Variants in LITAFD observed in about 807,000 individuals in gnomAD.
The protein encoded by LITAFD is lITAF domain-containing protein.
At chr16:8,885,135 G>T in intron 3 of LITAFD, 52 bp from the exon 4 acceptor site, 1 of 399,330 alleles carries the variant, frequency 2.5e-6, no homozygotes, top group Non-Finnish European at 4.4e-6. Flanking sequence ...TGCGTCCAGC[G>T]TACAGTGAGA....
At chr16:8,883,056 G>A (rs1277954175) in intron 1 of LITAFD, among the ~76,000 whole-genome samples, 154 bp from the exon 2 acceptor site, 4 of 152,076 alleles carry the variant, frequency 2.6e-5, no homozygotes, top group Non-Finnish European at 4.4e-5. Context: ...GACTGGTCTC[G>A]AACTCCTGAT....
intron 3 of LITAFD, chr16:8,884,955 T>G: frequency 2.5e-6 from 1 of 397,370 alleles, no homozygotes; most frequent in Non-Finnish European, 4.4e-6. Flanking sequence ...CCGGGTGTGG[T>G]GGCACGTGCC....
At position 8,883,939 on chromosome 16, in the gene LITAFD, T is replaced by C. The variant is rs187220460; in HGVS notation, c.-33-384T>C. ...AATAAGCCGGGTGTGATGGCACATG[T>C]CTATAGTCCCAGCTACTCAGGAGGC... On this transcript the variant is annotated intron_variant, in intron 2 of 3. Transcript: ENST00000636296. 6.0e-4 allele frequency among the ~76,000 whole-genome samples: 91 copies of C among 152,126 alleles called. 1 individual carries two copies. The highest frequency in any genetic ancestry group is 4.6e-3 in the South Asian group (22 of 4,802).
exon 4 of LITAFD, chr16:8,885,210 T>C (rs1484862600): frequency 5.0e-6 from 2 of 399,108 alleles, no homozygotes; most frequent in Non-Finnish European, 8.8e-6. Flanking sequence ...TGCTGCTTCC[T>C]GGCATTCTGC....
intron 2 of LITAFD, among the ~76,000 whole-genome samples, 165 bp downstream of exon 2, chr16:8,883,451 G>C (rs1567197108): frequency 6.6e-6 from 1 of 152,092 alleles, no homozygotes; most frequent in Non-Finnish European, 1.5e-5. Context: ...CCCGCAGCTG[G>C]CCAGCTGCCC....
At chr16:8,885,009 G>A (rs1482709195) in intron 3 of LITAFD, 178 bp from the exon 4 acceptor site, 1 of 398,816 alleles carries the variant, frequency 2.5e-6, no homozygotes, top group Middle Eastern at 6.3e-4. Flanking sequence ...GGAGGCAGAG[G>A]TTGCAGTGAG....
chr16:8,884,899 A>G (rs1436902773), intron 3 of LITAFD, among the ~76,000 whole-genome samples: 1 of 152,176 alleles, frequency 6.6e-6, no homozygotes, highest in African/African-American at 2.4e-5. Context: ...AGCCTGACCA[A>G]TGTGCTGAAA....
At chr16:8,885,150 G>GC in intron 3 of LITAFD, 37 bp from the exon 4 acceptor site, 1 of 399,300 alleles carries the variant, frequency 2.5e-6, no homozygotes. Context: ...GTGAGAGGTG[G>GC]CCCCGCTCAC....
At chr16:8,885,349 C>T (rs201431532), downstream of LITAFD, 42 of 398,814 alleles carry the variant, frequency 1.1e-4, no homozygotes, top group Non-Finnish European at 1.1e-4. Flanking sequence ...GTGTCTATGT[C>T]CTTACCTTCT....
In LITAFD at chr16:8,884,142, C is replaced by T. The variant is rs74008101; in HGVS notation, c.-33-181C>T. Among the ~76,000 whole-genome samples, 508 of 152,286 alleles carry T rather than the reference C, an allele frequency of 3.3e-3. 1 individual carries two copies. Among genetic ancestry groups the T allele is most frequent in the African/African-American group, 0.012 (485 of 41,550 alleles). ...ACTTCCAGCTAAGAACACTTCTTTC[C>T]TTAGTTTCCTCCAAACCGGGGTGGG... On this transcript the variant is annotated intron_variant, in intron 2 of 3. Coordinates refer to ENST00000636296, the Ensembl canonical transcript of LITAFD.
exon 2 of LITAFD, chr16:8,883,213 C>T (rs2061549660): frequency 6.6e-6 from 1 of 152,350 alleles, no homozygotes; most frequent in Non-Finnish European, 1.5e-5. Flanking sequence ...CCTAAAGATC[C>T]TTATCCTGCT....
rs529323681 is a variant in LITAFD, at chr16:8,884,813, G to A, written c.110+348G>A. Among the ~76,000 whole-genome samples, 11 of 152,274 alleles carry A rather than the reference G, an allele frequency of 7.2e-5. No homozygotes were observed. In the East Asian group the frequency reaches 9.7e-4, roughly 13 times the overall value. On this transcript the variant is annotated intron_variant, in intron 3 of 3. Coordinates refer to ENST00000636296, the Ensembl canonical transcript of LITAFD. ...TGAAACACACAGAGGGGCCAGGCGC[G>A]GTGACTCATGCCTGTAATCCCAGCA...
chr16:8,884,557 G>T (rs1251207165), intron 3 of LITAFD, 92 bp downstream of exon 3: 2 of 397,896 alleles, frequency 5.0e-6, no homozygotes, highest in Non-Finnish European at 8.9e-6. Context: ...AGCTTTCGGG[G>T]AAAATAGCAG....
rs958457265 is a variant in LITAFD, at chr16:8,885,176, C to T, written c.111-11C>T. 3.0e-5 allele frequency: 12 copies of T among 399,196 alleles called. No homozygotes were observed. Among genetic ancestry groups the T allele is most frequent in the African/African-American group, 6.2e-5 (3 of 48,626 alleles). 24.7% of individuals were successfully genotyped at this position (399,196 alleles called of 1,614,324 possible). A position where few individuals can be genotyped will look rare whatever the true frequency, so the allele number is the denominator to read the frequency against. On this transcript the variant is annotated splice_polypyrimidine_tract_variant and intron_variant, in intron 3 of 3. Transcript: ENST00000636296. ...CCCCGCTCACGCCCAGCCTCCGCTCCGGGGCTGCAGGTACGTCCTGGGCTG... is the reference window on the plus strand; with the variant it reads ...CCCCGCTCACGCCCAGCCTCCGCTCTGGGGCTGCAGGTACGTCCTGGGCTG...
At chr16:8,884,409 G>C in exon 3 of LITAFD, 1 of 399,054 alleles carries the variant, frequency 2.5e-6, no homozygotes, top group Admixed American at 4.4e-5. Flanking sequence ...TCACGGTGAC[G>C]ACCTTTGTCC....
exon 4 of LITAFD, chr16:8,885,191 G>A (rs972033694): frequency 2.8e-5 from 11 of 399,182 alleles, no homozygotes; most frequent in South Asian, 2.5e-4. Context: ...CTGCAGGTAC[G>A]TCCTGGGCTG....
chr16:8,884,808 G>A (rs1479858314), intron 3 of LITAFD, among the ~76,000 whole-genome samples: 1 of 152,200 alleles, frequency 6.6e-6, no homozygotes, highest in East Asian at 1.9e-4. Flanking sequence ...AGAGGGGCCA[G>A]GCGCGGTGAC....
intron 2 of LITAFD, among the ~76,000 whole-genome samples, chr16:8,883,621 G>A (rs2061551807): frequency 1.3e-5 from 2 of 152,216 alleles, no homozygotes; most frequent in Admixed American, 1.3e-4. Context: ...TCAGGCCACA[G>A]AGGAGGGGAA....
chr16:8,884,468 G>A lies in LITAFD; in HGVS notation c.110+3G>A. On this transcript the variant is annotated splice_donor_region_variant and intron_variant, in intron 3 of 3. Coordinates refer to ENST00000636296, the Ensembl canonical transcript of LITAFD. ...TGTACCACCCTCTTCCTGTTCGGGT[G>A]AGTGGCCGCCCCTCCGCCGCTGCAG... The A allele has an allele frequency of 2.6e-6, 1 of 378,798 alleles. No individual in the cohort carries two copies. Among genetic ancestry groups the A allele is most frequent in the Non-Finnish European group, 4.7e-6 (1 of 213,100 alleles). 23.5% of individuals were successfully genotyped at this position (378,798 alleles called of 1,614,324 possible). A position where few individuals can be genotyped will look rare whatever the true frequency, so the allele number is the denominator to read the frequency against.
Sources: gnomAD v4.1 joint callset for allele counts (sites outside exome capture counted in the v4.1 genomes callset) on GRCh38, gnomAD v4.1.1 for gene constraint, MANE v1.5 for transcripts, NCBI Gene and HGNC (gene_info 2026-07-23, HGNC 2026-07-21) for gene names.